Variants in PDE4D observed in about 807,000 individuals in gnomAD.
PDE4D encodes phosphodiesterase 4D.
PDE4D carries 24 observed loss-of-function variants against 87.4 expected under a neutral mutation model. The observed-to-expected ratio is 0.27, with a 90% CI of 0.20 to 0.39. The LOEUF is 0.39. PDE4D is among the 10% of genes least tolerant of loss of function. The probability of loss-of-function intolerance (pLI) is 1.00; values close to 1 mark genes in which losing one functional copy is unlikely to be tolerated. For synonymous variants in PDE4D, 384 were observed against 383.2 expected, an observed-to-expected ratio of 1.00 and a Z score of -0.02; for missense variants, 714 against 1,041.0, an observed-to-expected ratio of 0.69 and a Z score of 4.32.
At chr5:59,679,833 A>G (rs910124344) in intron 1 of PDE4D, among the ~76,000 whole-genome samples, 2 of 152,278 alleles carry the variant, frequency 1.3e-5, no homozygotes, top group East Asian at 3.9e-4. Flanking sequence ...CTCACATAAA[A>G]ATACTATTAA....
chr5:59,149,202 G>C (rs1779107270), intron 5 of PDE4D, among the ~76,000 whole-genome samples: 1 of 152,268 alleles, frequency 6.6e-6, no homozygotes, highest in East Asian at 1.9e-4. Flanking sequence ...TTAAGGACCA[G>C]TGTCTTAAAG....
At chr5:60,189,627 A>G (rs943924048) in intron 1 of PDE4D, among the ~76,000 whole-genome samples, 1 of 152,224 alleles carries the variant, frequency 6.6e-6, no homozygotes, top group Non-Finnish European at 1.5e-5. Flanking sequence ...CATCCACAAA[A>G]TATTAGAGAA....
chr5:60,075,696 T>C (rs1773210940), intron 2 of PDE4D, among the ~76,000 whole-genome samples: 3 of 152,208 alleles, frequency 2.0e-5, no homozygotes, highest in South Asian at 2.1e-4. Context: ...TTGGAGGTTT[T>C]GTTTGTTCCT....
intron 1 of PDE4D, among the ~76,000 whole-genome samples, chr5:59,537,753 C>T (rs1295257671): frequency 6.6e-6 from 1 of 152,132 alleles, no homozygotes; most frequent in Non-Finnish European, 1.5e-5. Context: ...TTCTAACATT[C>T]CAATTTAAAT....
chr5:59,089,002 A>C (rs913163084), intron 5 of PDE4D, among the ~76,000 whole-genome samples: 1 of 152,214 alleles, frequency 6.6e-6, no homozygotes, highest in Non-Finnish European at 1.5e-5. Context: ...TCTCCTCCTC[A>C]TAATTCTTAA....
At chr5:59,561,070 C>T (rs946509228) in intron 1 of PDE4D, among the ~76,000 whole-genome samples, 1 of 152,176 alleles carries the variant, frequency 6.6e-6, no homozygotes, top group Non-Finnish European at 1.5e-5. Context: ...TTCCCTGCCT[C>T]TTTGAGGTTA....
chr5:60,430,784 C>T (rs1744186706), intron 1 of PDE4D: 1 of 281,458 alleles, frequency 3.6e-6, no homozygotes, highest in Admixed American at 4.8e-5. Flanking sequence ...TTTAACAAAG[C>T]ACATCTTGCA....
At chr5:59,300,815 C>T (rs376744198) in intron 1 of PDE4D, among the ~76,000 whole-genome samples, 1 of 152,158 alleles carries the variant, frequency 6.6e-6, no homozygotes, top group Non-Finnish European at 1.5e-5. Context: ...ACACCAGTCA[C>T]AAGTGTGGGC....
chr5:60,312,142 C>A (rs1387689282), intron 1 of PDE4D, among the ~76,000 whole-genome samples: 1 of 152,154 alleles, frequency 6.6e-6, no homozygotes, highest in Non-Finnish European at 1.5e-5. Context: ...ATCACTGAGG[C>A]AGAAAACTAA....
intron 2 of PDE4D, among the ~76,000 whole-genome samples, chr5:60,133,798 C>T (rs562572068): frequency 6.6e-6 from 1 of 152,294 alleles, no homozygotes; most frequent in African/African-American, 2.4e-5. Flanking sequence ...GAGCTTAAAT[C>T]TGACTCCTTG....
At chr5:59,038,830 G>A (rs1376943761) in intron 6 of PDE4D, 29 bp downstream of exon 6, 4 of 1,456,126 alleles carry the variant, frequency 2.7e-6, no homozygotes, top group East Asian at 2.7e-5. Context: ...CAGCCTGGGG[G>A]CACCAGTGAC....
intron 2 of PDE4D, among the ~76,000 whole-genome samples, chr5:60,158,601 C>T (rs1782194530): frequency 6.6e-6 from 1 of 152,166 alleles, no homozygotes; most frequent in South Asian, 2.1e-4. Context: ...CTCGCCCTGT[C>T]GCCCAGGCTG....
chr5:59,090,807 CTTTTT>C (rs61610340), intron 5 of PDE4D, among the ~76,000 whole-genome samples: 15 of 106,034 alleles, frequency 1.4e-4, no homozygotes, highest in African/African-American at 4.5e-4. Flanking sequence ...TTTTCTTTTT[CTTTTT>C]TTTTTTTTTT....
intron 1 of PDE4D, among the ~76,000 whole-genome samples, chr5:60,333,488 A>C (rs926663872): frequency 6.6e-6 from 1 of 152,136 alleles, no homozygotes; most frequent in African/African-American, 2.4e-5. Context: ...TTTAGCTCCG[A>C]ACCTTGTCAC....
intron 1 of PDE4D, among the ~76,000 whole-genome samples, chr5:60,345,195 A>G (rs1035530196): frequency 6.6e-6 from 1 of 151,970 alleles, no homozygotes. Context: ...CTATCGCAAG[A>G]ACAAAAAACC....
chr5:60,408,559 G>T (rs1281196530), intron 1 of PDE4D, among the ~76,000 whole-genome samples: 2 of 152,234 alleles, frequency 1.3e-5, no homozygotes, highest in East Asian at 3.9e-4. Context: ...GGAAAGTCTT[G>T]CCAGTTTAAT....
At chr5:59,405,228 C>T (rs1445521123) in intron 1 of PDE4D, among the ~76,000 whole-genome samples, 3 of 152,042 alleles carry the variant, frequency 2.0e-5, no homozygotes, top group Non-Finnish European at 4.4e-5. Context: ...AATATCTTTC[C>T]ATTTTTTGTG....
intron 3 of PDE4D, among the ~76,000 whole-genome samples, chr5:59,953,847 G>A (rs1391985147): frequency 6.6e-6 from 1 of 152,212 alleles, no homozygotes. Context: ...GTAAAGAGGA[G>A]TTACTCTACA....
chr5:60,443,764 A>G (rs1745424730), intron 1 of PDE4D, among the ~76,000 whole-genome samples: 1 of 152,172 alleles, frequency 6.6e-6, no homozygotes, highest in Non-Finnish European at 1.5e-5. Context: ...TAGCATTGCC[A>G]TCTCAGAGAG....
Sources: allele counts gnomAD v4.1 joint callset (sites outside exome capture counted in the v4.1 genomes callset), GRCh38; gene constraint gnomAD v4.1.1; transcripts MANE v1.5; gene names NCBI Gene and HGNC (gene_info 2026-07-23, HGNC 2026-07-21).